UVRAG: variants seen among roughly 807,000 people sequenced by gnomAD.
UVRAG encodes UV radiation resistance associated, also known as UV radiation resistance-associated gene protein.
A neutral mutation model predicts 78.0 loss-of-function variants in UVRAG; 19 were observed. The observed-to-expected ratio is 0.24, with a 90% CI of 0.17 to 0.36. UVRAG has a LOEUF of 0.36. Among genes scored for constraint, UVRAG ranks in the 10% least tolerant of loss-of-function variants. The probability of loss-of-function intolerance (pLI) is 1.00; values close to 1 mark genes in which losing one functional copy is unlikely to be tolerated. For missense variants in UVRAG, 740 were observed against 853.8 expected (o/e 0.87, Z 1.66); for synonymous variants, 323 against 324.6 (o/e 1.00, Z 0.05).
chr11:75,821,135 C>T (rs1181948030), intron 1 of UVRAG, among the ~76,000 whole-genome samples: 2 of 152,114 alleles, frequency 1.3e-5, no homozygotes, highest in African/African-American at 2.4e-5. Context: ...TCTCTATGAA[C>T]TTCACTATTC....
In UVRAG at chr11:75,961,490, C is replaced by G; in HGVS notation, c.640C>G (p.Gln214Glu). 1 of 1,605,644 alleles carries G rather than the reference C, an allele frequency of 6.2e-7. No individual in the cohort carries two copies. Among genetic ancestry groups the G allele is most frequent in the Non-Finnish European group, 8.5e-7 (1 of 1,178,176 alleles). ...AATTAAACAGACTCAGGTAACTGTT[C>G]AGAAAATTGGAAAGGAAATTGAAGA... is the stretch of plus-strand genomic sequence containing the variant. ...CAIKQTQVTV[Q>E]KIGKEIEEKL... The change falls in exon 7 of 15, where the codon CAG (glutamine) becomes GAG (glutamate). Residue 214 changes from glutamine (Q) to glutamate (E), a missense_variant. Coordinates refer to ENST00000356136, the MANE Select transcript of UVRAG (RefSeq NM_003369.4).
intron 13 of UVRAG, among the ~76,000 whole-genome samples, chr11:76,076,946 G>A (rs577341899): frequency 4.0e-5 from 6 of 150,928 alleles, no homozygotes; most frequent in African/African-American, 1.2e-4. Context: ...GAGTCCAGGA[G>A]GTCAAGGCTG....
At chr11:76,063,947 T>C (rs1004429011) in intron 12 of UVRAG, among the ~76,000 whole-genome samples, 20 of 152,268 alleles carry the variant, frequency 1.3e-4, no homozygotes, top group African/African-American at 4.8e-4. Flanking sequence ...TAAGCTATTA[T>C]ACTATTCAAC....
chr11:76,116,161 T>C (rs1022092155), intron 14 of UVRAG, 146 bp downstream of exon 14: 51 of 791,098 alleles, frequency 6.4e-5, no homozygotes, highest in African/African-American at 5.2e-5. Flanking sequence ...GCCATCACAG[T>C]TGGGGAGATC....
At chr11:76,057,198 G>A (rs1384486669) in intron 12 of UVRAG, among the ~76,000 whole-genome samples, 5 of 133,860 alleles carry the variant, frequency 3.7e-5, no homozygotes, top group African/African-American at 1.4e-4. Context: ...TAGGAGACTG[G>A]GTGCCACAAT....
At chr11:75,873,021 G>A (rs1946687291) in intron 3 of UVRAG, among the ~76,000 whole-genome samples, 1 of 152,186 alleles carries the variant, frequency 6.6e-6, no homozygotes, top group Non-Finnish European at 1.5e-5. Context: ...TGATGGTGAT[G>A]TGTCATGCCA....
chr11:76,045,714 A>AG (rs1157052036), intron 12 of UVRAG, among the ~76,000 whole-genome samples: 1 of 151,542 alleles, frequency 6.6e-6, no homozygotes, highest in Non-Finnish European at 1.5e-5. Context: ...AAAAAAAAAA[A>AG]AGCCGGAGAT....
chr11:75,821,300 T>C (rs1264481637), intron 1 of UVRAG, among the ~76,000 whole-genome samples: 20 of 152,228 alleles, frequency 1.3e-4, no homozygotes. Context: ...ATGTATATAC[T>C]ACATTTTGTT....
chr11:75,871,990 G>A (rs1426872176), intron 3 of UVRAG, among the ~76,000 whole-genome samples: 1 of 152,118 alleles, frequency 6.6e-6, no homozygotes, highest in Admixed American at 6.5e-5. Flanking sequence ...ATGCCAATTA[G>A]GAATAAACAA....
At chr11:76,040,255 C>T (rs951740153) in intron 12 of UVRAG, among the ~76,000 whole-genome samples, 5 of 151,820 alleles carry the variant, frequency 3.3e-5, no homozygotes, top group Admixed American at 2.0e-4. Context: ...TGGTGGATCA[C>T]GAGGTCAGGA....
At chr11:75,842,422 C>T (rs1945935258) in intron 1 of UVRAG, among the ~76,000 whole-genome samples, 1 of 150,748 alleles carries the variant, frequency 6.6e-6, no homozygotes, top group Non-Finnish European at 1.5e-5. Flanking sequence ...TTTCCTTTTA[C>T]TGTGACCTGC....
chr11:75,885,013 T>C (rs560628951), intron 4 of UVRAG, among the ~76,000 whole-genome samples: 102 of 150,234 alleles, frequency 6.8e-4, no homozygotes, highest in African/African-American at 2.4e-3. Context: ...TAGATATGTC[T>C]CTCCATTTAT....
At position 76,060,110 on chromosome 11, in the gene UVRAG, A is replaced by G. The variant is rs780449505; in HGVS notation, c.1227-5600A>G. Among the ~76,000 whole-genome samples, 52 of 152,146 alleles carry G rather than the reference A, an allele frequency of 3.4e-4. 1 individual carries two copies. The highest frequency in any genetic ancestry group is 2.4e-4 in the Non-Finnish European group (16 of 68,022). On this transcript the variant is annotated intron_variant, in intron 12 of 14. Coordinates refer to ENST00000356136, the MANE Select transcript of UVRAG (RefSeq NM_003369.4). ...AACAGTGTATCTTTTATAAATATTT[A>G]AAGTTTGAAAATCAGTTTCTTTTCA...
intron 7 of UVRAG, among the ~76,000 whole-genome samples, chr11:75,978,547 G>C (rs1000361414): frequency 2.0e-5 from 3 of 152,040 alleles, no homozygotes; most frequent in Non-Finnish European, 4.4e-5. Flanking sequence ...TCCCATATTT[G>C]TTGGAGGCTT....
At chr11:75,865,287 CAAAAAAA>C (rs1195072746) in intron 3 of UVRAG, among the ~76,000 whole-genome samples, 3 of 45,738 alleles carry the variant, frequency 6.6e-5, no homozygotes, top group Admixed American at 2.3e-4. Context: ...AACTCCATCT[CAAAAAAA>C]AAAAAAAAAA....
chr11:75,863,487 T>A (rs1352841320), intron 3 of UVRAG, among the ~76,000 whole-genome samples: 1 of 152,178 alleles, frequency 6.6e-6, no homozygotes. Context: ...TAATAGACCC[T>A]ATGTCATAAT....
chr11:75,875,831 G>C (rs371255546), intron 3 of UVRAG, among the ~76,000 whole-genome samples: 6 of 152,132 alleles, frequency 3.9e-5, no homozygotes, highest in African/African-American at 1.4e-4. Flanking sequence ...TTTTAGTCAT[G>C]GATGGGACCT....
At chr11:76,001,896 T>C (rs545261403) in intron 8 of UVRAG, among the ~76,000 whole-genome samples, 1 of 152,314 alleles carries the variant, frequency 6.6e-6, no homozygotes, top group South Asian at 2.1e-4. Flanking sequence ...TATGGAGGAA[T>C]TACTGAAGTT....
chr11:76,094,262 G>A (rs188451343), intron 13 of UVRAG, among the ~76,000 whole-genome samples: 24 of 152,248 alleles, frequency 1.6e-4, no homozygotes, highest in Non-Finnish European at 2.9e-4. Flanking sequence ...CAGTTTGCCA[G>A]TATTTTATAG....
Sources: gnomAD v4.1 joint callset for allele counts (sites outside exome capture counted in the v4.1 genomes callset) on GRCh38, gnomAD v4.1.1 for gene constraint, MANE v1.5 for transcripts, NCBI Gene and HGNC (gene_info 2026-07-23, HGNC 2026-07-21) for gene names.